The following PRDM15 variants were observed in gnomAD, a reference collection of about 807,000 sequenced individuals.
PRDM15 encodes the protein PR domain zinc finger protein 15.
PRDM15 carries 64 observed loss-of-function variants against 128.6 expected under a neutral mutation model. The observed-to-expected ratio is 0.50, with a 90% CI of 0.41 to 0.61. PRDM15 has a LOEUF of 0.61. Ranked by LOEUF, PRDM15 falls within the 20% of genes least tolerant of loss-of-function variation. PRDM15 has a pLI of 0.00. For missense variants in PRDM15, 1,242 were observed against 1,569.1 expected (o/e 0.79, Z 3.52); for synonymous variants, 615 against 621.8 (o/e 0.99, Z 0.16).
chr21:41,801,294 C>T lies in PRDM15; in HGVS notation c.3372G>A (p.Ala1124=), dbSNP rs142036110. 492 of 1,559,530 alleles carry T rather than the reference C, an allele frequency of 3.2e-4. No homozygotes were observed. In the African/African-American group the frequency reaches 4.9e-3, roughly 16 times the overall value. The change falls in exon 24 of 24, where the codon GCG becomes GCA. Residue 1124 remains alanine (A), a synonymous_variant. Transcript: ENST00000398548. Reference sequence around the variant, plus strand: ...GCTCCGCCTGCACCTGGGGCTGGGCCGCCTGCTGTGGGGGTGCCTGCGGCT... The same window carrying T: ...GCTCCGCCTGCACCTGGGGCTGGGCTGCCTGCTGTGGGGGTGCCTGCGGCT... The part of the protein sequence containing the change: ...PSQPQAPPQQ[A]AQPQVQAEQQ...
chr21:41,861,881 T>G (rs927799319), intron 1 of PRDM15: 2 of 1,596,022 alleles, frequency 1.3e-6, no homozygotes, highest in African/African-American at 2.7e-5. Flanking sequence ...GGGGTGAAAT[T>G]TTCTCCCAAA....
rs2062280404 is a variant in PRDM15, at chr21:41,821,836, C to T, written c.1896+67G>A. 1 of 1,588,460 alleles carries T rather than the reference C, an allele frequency of 6.3e-7. No individual in the cohort carries two copies. Among genetic ancestry groups the T allele is most frequent in the African/African-American group, 1.3e-5 (1 of 74,584 alleles). On this transcript the variant is annotated intron_variant, in intron 15 of 23. Coordinates refer to ENST00000398548, the MANE Select transcript of PRDM15 (RefSeq NM_001040424.3). This position sits in a 1 kb window ranked among gnomAD's most constrained non-coding sequence, Gnocchi z 5.4. ...CATGAAGGTGCCTGCTGTGTGGGGC[C>T]CACAGCCTTGAAACGACCACCTTCC...
At chr21:41,801,931 T>C (rs1180213027) in intron 23 of PRDM15, among the ~76,000 whole-genome samples, 1 of 151,788 alleles carries the variant, frequency 6.6e-6, no homozygotes, top group Non-Finnish European at 1.5e-5. Context: ...GAGAAGGAAC[T>C]AAGAAACAAA....
At position 41,801,134 on chromosome 21, in the gene PRDM15, A is replaced by C; in HGVS notation, c.*106T>G. ...TACTCTGCAAAGCTAAGTCAACCTT[A>C]CATTGCAATGTATGACTTTTTGTTT... is the stretch of plus-strand genomic sequence containing the variant. On this transcript the variant is annotated 3_prime_UTR_variant, in exon 24 of 24. Transcript: ENST00000398548. The C allele has an allele frequency of 7.0e-7, 1 of 1,422,960 alleles. No homozygotes were observed. Among genetic ancestry groups the C allele is most frequent in the Non-Finnish European group, 9.4e-7 (1 of 1,068,592 alleles). 88.1% of individuals were successfully genotyped at this position (1,422,960 alleles called of 1,614,324 possible).
In PRDM15 at chr21:41,835,438, T is replaced by C; in HGVS notation, c.1365A>G (p.Thr455=). ...ESALEFHNCR[T]DDKTFQCEMC... is the part of the protein sequence containing the mutation. ...GGGAGACGTGACCGGCGCCCTCACC[T>C]GTCCTGCAGTTGTGGAACTCCAGCG... Residue 455 remains threonine (T), a splice_region_variant and synonymous_variant, in exon 11 of 24, where the codon ACA becomes ACG. Coordinates refer to ENST00000398548, the MANE Select transcript of PRDM15 (RefSeq NM_001040424.3). 1 of 1,607,118 alleles carries C rather than the reference T, an allele frequency of 6.2e-7. No homozygotes were observed. The highest frequency in any genetic ancestry group is 1.3e-5 in the African/African-American group (1 of 75,020).
At chr21:41,874,081 A>G (rs1392703361) in intron 1 of PRDM15, among the ~76,000 whole-genome samples, 3 of 151,608 alleles carry the variant, frequency 2.0e-5, no homozygotes, top group Non-Finnish European at 4.4e-5. Flanking sequence ...AAAAAAAAAA[A>G]AAAAAAAGCA....
At chr21:41,804,204 T>C (rs1314198490) in intron 22 of PRDM15, among the ~76,000 whole-genome samples, 3 of 152,254 alleles carry the variant, frequency 2.0e-5, no homozygotes, top group Non-Finnish European at 4.4e-5. Context: ...CCTCAAGTGA[T>C]CTGCCCGCCT....
Position 41,828,068 on chromosome 21 carries a change from C to A in PRDM15, c.1534+98G>T. On this transcript the variant is annotated intron_variant, in intron 12 of 23. Coordinates refer to ENST00000398548, the MANE Select transcript of PRDM15 (RefSeq NM_001040424.3). This position sits in a 1 kb window ranked among gnomAD's most constrained non-coding sequence, Gnocchi z 5.7. ...AGGCAAAGGAGCAGGCGGCACCGAA[C>A]TGCTCCCCAAAGGCCCTGCTGACTG... 7.6e-7 allele frequency: 1 copy of A among 1,311,296 alleles called. No individual in the cohort carries two copies. Among genetic ancestry groups the A allele is most frequent in the Non-Finnish European group, 1.1e-6 (1 of 928,530 alleles). The allele number at this position is 1,311,296 out of a possible 1,614,324, so 81.2% of individuals were successfully genotyped here.
At chr21:41,838,586 G>T (rs2062971405) in intron 7 of PRDM15, among the ~76,000 whole-genome samples, 1 of 152,178 alleles carries the variant, frequency 6.6e-6, no homozygotes, top group Non-Finnish European at 1.5e-5. Context: ...TCAACCACTG[G>T]TTTCTACCAC....
At chr21:41,839,153 G>C (rs1421599213) in intron 7 of PRDM15, among the ~76,000 whole-genome samples, 4 of 152,216 alleles carry the variant, frequency 2.6e-5, no homozygotes, top group African/African-American at 9.6e-5. Context: ...GAGCAACTCA[G>C]TGCCCACCCA....
In PRDM15 at chr21:41,861,678, C is replaced by T. The variant is rs1297484914; in HGVS notation, c.-9-1306G>A. ...CCACACGCCCTCCACCCCGCTCATC[C>T]CCAGCAGCTTGAAGGGTGAAAAGCA... On this transcript the variant is annotated intron_variant, in intron 1 of 23. Coordinates refer to ENST00000398548, the MANE Select transcript of PRDM15 (RefSeq NM_001040424.3). 10 of 1,614,110 alleles carry T rather than the reference C, an allele frequency of 6.2e-6. No homozygotes were observed. In the South Asian group the frequency reaches 1.1e-4, roughly 18 times the overall value.
At chr21:41,847,271 G>A (rs2063296085) in intron 5 of PRDM15, 80 bp from the exon 6 acceptor site, 2 of 1,010,102 alleles carry the variant, frequency 2.0e-6, no homozygotes, top group Non-Finnish European at 2.9e-6. Context: ...AGCGGAGGAG[G>A]GGTGTGTGCT....
chr21:41,820,066 C>T (rs750340954), intron 17 of PRDM15, 29 bp downstream of exon 17: 57 of 1,600,806 alleles, frequency 3.6e-5, no homozygotes, highest in Middle Eastern at 1.7e-4. Context: ...CAGCGAGGGC[C>T]GGGACCCCAA....
chr21:41,877,755 A>G (rs946410519), intron 1 of PRDM15: 2 of 152,230 alleles, frequency 1.3e-5, no homozygotes, highest in African/African-American at 4.8e-5. Context: ...AAATTTATTT[A>G]TTTGTCTTCT....
At position 41,801,733 on chromosome 21, in the gene PRDM15, C is replaced by T. The variant is rs778872301; in HGVS notation, c.2944-11G>A. 6.2e-7 allele frequency: 1 copy of T among 1,604,224 alleles called. No homozygotes were observed. Among genetic ancestry groups the T allele is most frequent in the Non-Finnish European group, 8.5e-7 (1 of 1,172,558 alleles). On this transcript the variant is annotated splice_polypyrimidine_tract_variant and intron_variant, in intron 23 of 23. Coordinates refer to ENST00000398548, the MANE Select transcript of PRDM15 (RefSeq NM_001040424.3). Reference sequence around the variant, plus strand: ...CAGGGTCACCACTACCTGGAAGATTCACACACAACAAAAATCCGTTCATTT... The same window carrying T: ...CAGGGTCACCACTACCTGGAAGATTTACACACAACAAAAATCCGTTCATTT...
chr21:41,865,184 C>T (rs11702565), intron 1 of PRDM15, among the ~76,000 whole-genome samples: 39,695 of 138,042 alleles, frequency 0.29, 5,797 homozygotes, highest in African/African-American at 0.31. Flanking sequence ...TCACTCCTCA[C>T]TCCCCAGCCC....
Position 41,859,941 on chromosome 21 carries a change from C to A in PRDM15, c.38-256G>T, listed in dbSNP as rs1039957251. 1.3e-5 allele frequency among the ~76,000 whole-genome samples: 2 copies of A among 152,142 alleles called. No homozygotes were observed. The highest frequency in any genetic ancestry group is 6.5e-5 in the Admixed American group (1 of 15,284). ...GCCCCCAGGGAAAGCTCTAGCTCCGCCGCACGCCTCAAATCAAGCACGGTC... is the reference window on the plus strand; with the variant it reads ...GCCCCCAGGGAAAGCTCTAGCTCCGACGCACGCCTCAAATCAAGCACGGTC... On this transcript the variant is annotated intron_variant, in intron 2 of 23. Coordinates refer to ENST00000398548, the MANE Select transcript of PRDM15 (RefSeq NM_001040424.3). This position sits in a 1 kb window ranked among gnomAD's most constrained non-coding sequence, Gnocchi z 5.3.
chr21:41,870,131 A>G (rs967914432), intron 1 of PRDM15, among the ~76,000 whole-genome samples: 2 of 152,272 alleles, frequency 1.3e-5, no homozygotes, highest in African/African-American at 4.8e-5. Flanking sequence ...ACTTGAGAAC[A>G]ATCTTGGTTT....
chr21:41,879,188 G>A lies in PRDM15; in HGVS notation c.-10+82C>T. 1 of 803,780 alleles carries A rather than the reference G, an allele frequency of 1.2e-6. No individual in the cohort carries two copies. The highest frequency in any genetic ancestry group is 1.5e-6 in the Non-Finnish European group (1 of 666,858). 49.8% of individuals were successfully genotyped at this position (803,780 alleles called of 1,614,324 possible). A position where few individuals can be genotyped will look rare whatever the true frequency, so the allele number is the denominator to read the frequency against. Reference sequence around the variant, plus strand: ...GGCAGCGGGCCCAGGGCGCGCCGGGGCTCGCGGGGGCAGCGGGTGCGGCCC... The same window carrying A: ...GGCAGCGGGCCCAGGGCGCGCCGGGACTCGCGGGGGCAGCGGGTGCGGCCC... On this transcript the variant is annotated intron_variant, in intron 1 of 23. Transcript: ENST00000398548. The surrounding 1 kb of genome is among the most constrained non-coding windows in gnomAD (Gnocchi z 5.1).
Sources: allele counts gnomAD v4.1 joint callset (sites outside exome capture counted in the v4.1 genomes callset), GRCh38; gene constraint gnomAD v4.1.1; non-coding constraint Gnocchi (gnomAD v3.1); transcripts MANE v1.5; gene names NCBI Gene and HGNC (gene_info 2026-07-23, HGNC 2026-07-21).